Variants in GALNTL6 observed in about 807,000 individuals in gnomAD.
GALNTL6 encodes polypeptide N-acetylgalactosaminyltransferase like 6, also known as polypeptide N-acetylgalactosaminyltransferase-like 6.
A neutral mutation model predicts 73.7 loss-of-function variants in GALNTL6; 46 were observed. The ratio of observed to expected loss-of-function variants is 0.62; its 90% CI spans 0.49 to 0.80. The LOEUF (loss-of-function observed/expected upper bound fraction) is 0.80. Among genes scored for constraint, GALNTL6 ranks in the 30% least tolerant of loss-of-function variants. The probability of loss-of-function intolerance (pLI) is 0.00; values close to 1 mark genes in which losing one functional copy is unlikely to be tolerated. For synonymous variants in GALNTL6, 259 were observed against 263.7 expected (o/e 0.98, Z 0.17); for missense variants, 604 against 755.0 (o/e 0.80, Z 2.34).
intron 5 of GALNTL6, among the ~76,000 whole-genome samples, chr4:172,717,820 C>A (rs1053806459): frequency 6.6e-6 from 1 of 152,080 alleles, no homozygotes; most frequent in Non-Finnish European, 1.5e-5. Context: ...TACTGAAAAA[C>A]AGAAAAACCC....
chr4:172,373,864 C>A (rs1742921698), intron 5 of GALNTL6, among the ~76,000 whole-genome samples: 1 of 152,150 alleles, frequency 6.6e-6, no homozygotes, highest in African/African-American at 2.4e-5. Context: ...ACCTTGAGGA[C>A]AGTCGACCAG....
At chr4:172,032,091 T>C (rs1374780632) in intron 2 of GALNTL6, among the ~76,000 whole-genome samples, 1 of 152,098 alleles carries the variant, frequency 6.6e-6, no homozygotes, top group Non-Finnish European at 1.5e-5. Flanking sequence ...TTGGCAACTA[T>C]TGGGCAAGTA....
intron 12 of GALNTL6, among the ~76,000 whole-genome samples, chr4:173,038,916 A>G (rs1194703665): frequency 6.6e-6 from 1 of 152,238 alleles, no homozygotes; most frequent in Non-Finnish European, 1.5e-5. Context: ...ACTAAATAAT[A>G]AAACATTACT....
chr4:172,770,995 G>A (rs539058001), intron 5 of GALNTL6, among the ~76,000 whole-genome samples: 301 of 152,248 alleles, frequency 2.0e-3, no homozygotes, highest in Non-Finnish European at 2.6e-3. Context: ...TGCTGACTTT[G>A]TTGTATTTTA....
chr4:173,017,556 A>G (rs1752831402), intron 11 of GALNTL6, among the ~76,000 whole-genome samples: 1 of 152,250 alleles, frequency 6.6e-6, no homozygotes, highest in African/African-American at 2.4e-5. Context: ...ATAAATGGCA[A>G]TAAGAAGTAT....
At chr4:172,692,461 A>G (rs1278049493) in intron 5 of GALNTL6, among the ~76,000 whole-genome samples, 2 of 152,176 alleles carry the variant, frequency 1.3e-5, no homozygotes, top group Admixed American at 6.5e-5. Context: ...CATATCAGAG[A>G]TGTATTCATT....
chr4:172,817,949 C>T (rs1741705565), intron 7 of GALNTL6, among the ~76,000 whole-genome samples: 1 of 152,192 alleles, frequency 6.6e-6, no homozygotes. Flanking sequence ...AATGACAGAG[C>T]TATTAGAAAT....
chr4:172,403,531 G>A (rs915974557), intron 5 of GALNTL6, among the ~76,000 whole-genome samples: 11 of 145,784 alleles, frequency 7.5e-5, no homozygotes, highest in East Asian at 3.9e-4. Context: ...TTTTTCTTAC[G>A]GTTAGCCAAA....
intron 10 of GALNTL6, among the ~76,000 whole-genome samples, chr4:172,987,576 T>C (rs1411834885): frequency 6.6e-6 from 1 of 152,214 alleles, no homozygotes; most frequent in Non-Finnish European, 1.5e-5. Context: ...TTATTTGTTA[T>C]ATGGTGATAT....
At chr4:172,890,983 G>A (rs1192429713) in intron 8 of GALNTL6, among the ~76,000 whole-genome samples, 2 of 152,114 alleles carry the variant, frequency 1.3e-5, no homozygotes, top group Admixed American at 1.3e-4. Flanking sequence ...TTTAAAATCT[G>A]TTTTATCTGA....
chr4:172,015,124 T>C (rs1385351749), intron 2 of GALNTL6, among the ~76,000 whole-genome samples: 2 of 152,158 alleles, frequency 1.3e-5, no homozygotes, highest in Non-Finnish European at 2.9e-5. Context: ...TCTGTTTTCA[T>C]GACCTATCTA....
chr4:172,370,940 G>A (rs10018148), intron 5 of GALNTL6, among the ~76,000 whole-genome samples: 34,963 of 151,890 alleles, frequency 0.23, 4,469 homozygotes, highest in East Asian at 0.36. Flanking sequence ...ATGTTACACC[G>A]TTAACTTTTA....
At chr4:171,878,582 TA>T (rs1448375468) in intron 2 of GALNTL6, among the ~76,000 whole-genome samples, 1 of 152,214 alleles carries the variant, frequency 6.6e-6, no homozygotes, top group Non-Finnish European at 1.5e-5. Flanking sequence ...TCATGTATAT[TA>T]TTTTTTTCAT....
chr4:172,606,309 A>G (rs1161838803), intron 5 of GALNTL6, among the ~76,000 whole-genome samples: 3 of 151,528 alleles, frequency 2.0e-5, no homozygotes, highest in African/African-American at 7.3e-5. Context: ...ACAAAATTAG[A>G]TGGGCATGGT....
At chr4:172,964,161 T>C (rs1055886250) in intron 10 of GALNTL6, among the ~76,000 whole-genome samples, 5 of 152,220 alleles carry the variant, frequency 3.3e-5, no homozygotes, top group Non-Finnish European at 7.4e-5. Flanking sequence ...AAACTATTCT[T>C]AAACCACTCA....
intron 2 of GALNTL6, among the ~76,000 whole-genome samples, chr4:171,859,002 C>T (rs1361944285): frequency 9.9e-5 from 15 of 152,114 alleles, no homozygotes; most frequent in Admixed American, 6.6e-5. Flanking sequence ...ATACCGGCTT[C>T]TCATATGTAA....
intron 5 of GALNTL6, among the ~76,000 whole-genome samples, chr4:172,452,447 G>T (rs1732249265): frequency 6.6e-6 from 1 of 152,104 alleles, no homozygotes; most frequent in African/African-American, 2.4e-5. Flanking sequence ...AACCCCTCTG[G>T]ACCTCAGTGC....
At chr4:173,031,014 A>AGAG (rs1753434165) in intron 12 of GALNTL6, among the ~76,000 whole-genome samples, 1 of 148,264 alleles carries the variant, frequency 6.7e-6, no homozygotes. Flanking sequence ...AAGAAAAGAA[A>AGAG]AGAGAGAGAG....
chr4:171,918,002 A>G (rs1737676976), intron 2 of GALNTL6, among the ~76,000 whole-genome samples: 1 of 152,106 alleles, frequency 6.6e-6, no homozygotes, highest in East Asian at 1.9e-4. Flanking sequence ...TTTTAATGGT[A>G]GGGATATGTT....
Sources: gnomAD v4.1 joint callset for allele counts (sites outside exome capture counted in the v4.1 genomes callset) on GRCh38, gnomAD v4.1.1 for gene constraint, MANE v1.5 for transcripts, NCBI Gene and HGNC (gene_info 2026-07-23, HGNC 2026-07-21) for gene names.